FBXL7: variants seen among roughly 807,000 people sequenced by gnomAD.
The protein encoded by FBXL7 is F-box and leucine rich repeat protein 7.
FBXL7 carries 12 observed loss-of-function variants against 38.3 expected under a neutral mutation model. That is an observed-to-expected ratio of 0.31 (90% CI 0.20 to 0.51). FBXL7 has a LOEUF of 0.51. Ranked by LOEUF, FBXL7 falls within the 20% of genes least tolerant of loss-of-function variation. The pLI is 0.98. For synonymous variants in FBXL7, 297 were observed against 300.9 expected, an observed-to-expected ratio of 0.99 and a Z score of 0.13; for missense variants, 567 against 676.4, an observed-to-expected ratio of 0.84 and a Z score of 1.79.
chr5:15,545,057 G>T (rs2126413621), intron 1 of FBXL7, among the ~76,000 whole-genome samples: 1 of 152,324 alleles, frequency 6.6e-6, no homozygotes, highest in East Asian at 1.9e-4. Context: ...TGGAGGTGCT[G>T]TCTCCCTGCC....
At chr5:15,622,651 A>C (rs1740693209) in intron 2 of FBXL7, among the ~76,000 whole-genome samples, 1 of 152,168 alleles carries the variant, frequency 6.6e-6, no homozygotes, top group Non-Finnish European at 1.5e-5. Context: ...TTCCATGGCC[A>C]ATACACTTAT....
At chr5:15,541,443 G>GTATGTATA (rs1554004565) in intron 1 of FBXL7, among the ~76,000 whole-genome samples, 1 of 38,426 alleles carries the variant, frequency 2.6e-5, no homozygotes, top group Non-Finnish European at 4.8e-5. Flanking sequence ...GTGTGTGTGT[G>GTATGTATA]TATATATATA....
intron 2 of FBXL7, among the ~76,000 whole-genome samples, chr5:15,866,881 T>C (rs1739739247): frequency 6.6e-6 from 1 of 152,148 alleles, no homozygotes; most frequent in Non-Finnish European, 1.5e-5. Context: ...ATGGTGTATA[T>C]GTACCACATT....
At chr5:15,862,916 G>A (rs1410384440) in intron 2 of FBXL7, among the ~76,000 whole-genome samples, 1 of 152,222 alleles carries the variant, frequency 6.6e-6, no homozygotes, top group African/African-American at 2.4e-5. Flanking sequence ...TCCAAAACCT[G>A]AGGCCAGTAG....
chr5:15,800,943 C>T (rs1737548048), intron 2 of FBXL7, among the ~76,000 whole-genome samples: 2 of 152,192 alleles, frequency 1.3e-5, no homozygotes, highest in African/African-American at 4.8e-5. Context: ...GTATTACACA[C>T]ATAACCAATA....
chr5:15,835,821 G>T (rs558242801), intron 2 of FBXL7, among the ~76,000 whole-genome samples: 1 of 152,244 alleles, frequency 6.6e-6, no homozygotes, highest in South Asian at 2.1e-4. Flanking sequence ...TGTCACTTGT[G>T]TTAGGACTTT....
chr5:15,673,470 G>C (rs1742552587), intron 2 of FBXL7, among the ~76,000 whole-genome samples: 1 of 152,144 alleles, frequency 6.6e-6, no homozygotes, highest in South Asian at 2.1e-4. Context: ...TTGGAATTGA[G>C]TCTTGGTGTA....
At chr5:15,873,214 T>A (rs1579550616) in intron 2 of FBXL7, among the ~76,000 whole-genome samples, 1 of 152,102 alleles carries the variant, frequency 6.6e-6, no homozygotes, top group African/African-American at 2.4e-5. Context: ...TTGAAACCAA[T>A]GAGAACAAAG....
At chr5:15,733,375 G>T (rs1326051214) in intron 2 of FBXL7, among the ~76,000 whole-genome samples, 1 of 66,300 alleles carries the variant, frequency 1.5e-5, no homozygotes, top group South Asian at 8.7e-4. Flanking sequence ...ACAGGCGTGA[G>T]CCACCGCCCC....
Position 15,720,364 on chromosome 5 carries a change from C to T in FBXL7, c.127+104292C>T, listed in dbSNP as rs560123709. Reference sequence around the variant, plus strand: ...ATACAACCAATTAGAAACTTCCACACTGTCAACTTTCAGCTTTCATTATAT... The same window carrying T: ...ATACAACCAATTAGAAACTTCCACATTGTCAACTTTCAGCTTTCATTATAT... On this transcript the variant is annotated intron_variant, in intron 2 of 3. Transcript: ENST00000504595. Among the ~76,000 whole-genome samples, 30 of 148,480 alleles carry T rather than the reference C, an allele frequency of 2.0e-4. 3 individuals carry two copies. The highest frequency in any genetic ancestry group is 7.1e-4 in the African/African-American group (29 of 40,750).
chr5:15,504,037 A>G (rs979824618), intron 1 of FBXL7, among the ~76,000 whole-genome samples: 1 of 152,232 alleles, frequency 6.6e-6, no homozygotes, highest in Non-Finnish European at 1.5e-5. Flanking sequence ...GACTAGCGCT[A>G]TCCGCATCAC....
At chr5:15,640,683 C>T (rs528402629) in intron 2 of FBXL7, among the ~76,000 whole-genome samples, 4 of 152,134 alleles carry the variant, frequency 2.6e-5, no homozygotes, top group African/African-American at 9.6e-5. Flanking sequence ...GCCACCACAC[C>T]CGGCTAATTT....
intron 2 of FBXL7, among the ~76,000 whole-genome samples, chr5:15,763,504 G>C (rs1736503439): frequency 6.6e-6 from 1 of 152,130 alleles, no homozygotes; most frequent in East Asian, 1.9e-4. Flanking sequence ...TTGGTCTTTT[G>C]TTGAGAGACT....
chr5:15,587,649 T>C, intron 1 of FBXL7, among the ~76,000 whole-genome samples: 1 of 152,184 alleles, frequency 6.6e-6, no homozygotes, highest in East Asian at 1.9e-4. Context: ...ATGAAGAAAC[T>C]AAGGTACCTC....
chr5:15,629,497 C>T (rs1311120358), intron 2 of FBXL7, among the ~76,000 whole-genome samples: 1 of 152,170 alleles, frequency 6.6e-6, no homozygotes, highest in Non-Finnish European at 1.5e-5. Flanking sequence ...AGGCTTTCTA[C>T]TACTCAGAAA....
At chr5:15,528,066 T>G (rs1380038741) in intron 1 of FBXL7, among the ~76,000 whole-genome samples, 1 of 152,240 alleles carries the variant, frequency 6.6e-6, no homozygotes, top group Non-Finnish European at 1.5e-5. Flanking sequence ...ATTTCCAGTT[T>G]CTACTTGGTT....
At chr5:15,556,175 G>A (rs993901012) in intron 1 of FBXL7, among the ~76,000 whole-genome samples, 1 of 152,026 alleles carries the variant, frequency 6.6e-6, no homozygotes, top group African/African-American at 2.4e-5. Flanking sequence ...TTATGTGACT[G>A]TGGAGGCTGG....
At chr5:15,539,768 ATATT>A (rs1375438835) in intron 1 of FBXL7, among the ~76,000 whole-genome samples, 1 of 151,904 alleles carries the variant, frequency 6.6e-6, no homozygotes, top group African/African-American at 2.4e-5. Flanking sequence ...AAATAATACT[ATATT>A]TATTACAGTG....
chr5:15,611,210 C>T (rs1019403912), intron 1 of FBXL7, among the ~76,000 whole-genome samples: 1 of 152,076 alleles, frequency 6.6e-6, no homozygotes, highest in South Asian at 2.1e-4. Flanking sequence ...GGTTGCGCAA[C>T]ACACACCTTC....
Sources: gnomAD v4.1 joint callset for allele counts (sites outside exome capture counted in the v4.1 genomes callset) on GRCh38, gnomAD v4.1.1 for gene constraint, MANE v1.5 for transcripts, NCBI Gene and HGNC (gene_info 2026-07-23, HGNC 2026-07-21) for gene names.